The following TMPRSS11E variants were observed in gnomAD, a reference collection of about 807,000 sequenced individuals.
TMPRSS11E encodes transmembrane serine protease 11E, also known as transmembrane protease serine 11E.
A neutral mutation model predicts 48.1 loss-of-function variants in TMPRSS11E; 38 were observed. The observed-to-expected ratio is 0.79, with a 90% confidence interval of 0.61 to 1.04. The LOEUF is 1.04. Ranked by LOEUF, TMPRSS11E falls within the 50% of genes least tolerant of loss-of-function variation. The pLI is 0.00. For synonymous variants in TMPRSS11E, 158 were observed against 171.9 expected (o/e 0.92, Z 0.63); for missense variants, 530 against 510.8 (o/e 1.04, Z -0.36).
At chr4:68,495,457 C>A (rs1042103916) in intron 9 of TMPRSS11E, among the ~76,000 whole-genome samples, 2 of 151,986 alleles carry the variant, frequency 1.3e-5, no homozygotes, top group East Asian at 3.9e-4. Flanking sequence ...CTTCATATGG[C>A]ATATCTTATT....
intron 1 of TMPRSS11E, among the ~76,000 whole-genome samples, chr4:68,452,962 A>C (rs1255485597): frequency 6.6e-6 from 1 of 151,856 alleles, no homozygotes; most frequent in African/African-American, 2.4e-5. Context: ...ACGCTTTTTA[A>C]AGTTTTCTTT....
intron 1 of TMPRSS11E, among the ~76,000 whole-genome samples, chr4:68,453,015 C>T (rs1393787928): frequency 6.6e-6 from 1 of 151,842 alleles, no homozygotes; most frequent in Non-Finnish European, 1.5e-5. Context: ...AATGCAGACC[C>T]TTGATGTTTG....
At position 68,496,827 on chromosome 4, in the gene TMPRSS11E, G is replaced by T. The variant is rs1293272558; in HGVS notation, c.*23G>T. The T allele has an allele frequency of 7.0e-6, 11 of 1,578,988 alleles. 1 individual carries two copies. Among genetic ancestry groups the T allele is most frequent in the Middle Eastern group, 1.7e-4 (1 of 5,886 alleles). On this transcript the variant is annotated 3_prime_UTR_variant, in exon 10 of 10. Coordinates refer to ENST00000305363, the MANE Select transcript of TMPRSS11E (RefSeq NM_014058.4). ...TAAGAGAGAAAAGCCTCATGGAACAGATAACATTTTTTTTTGTTTTTTGGG... is the reference window on the plus strand; with the variant it reads ...TAAGAGAGAAAAGCCTCATGGAACATATAACATTTTTTTTTGTTTTTTGGG...
intron 9 of TMPRSS11E, among the ~76,000 whole-genome samples, chr4:68,483,336 T>C (rs184844073): frequency 8.5e-5 from 13 of 152,314 alleles, no homozygotes; most frequent in African/African-American, 3.1e-4. Context: ...AAGACAGCAC[T>C]ATGCTGTCAG....
chr4:68,493,305 T>C (rs1247172998), intron 9 of TMPRSS11E, among the ~76,000 whole-genome samples: 3 of 152,172 alleles, frequency 2.0e-5, no homozygotes, highest in Non-Finnish European at 4.4e-5. Context: ...TAATCCCAGA[T>C]GTTATATACT....
intron 5 of TMPRSS11E, among the ~76,000 whole-genome samples, chr4:68,472,394 A>G (rs930525564): frequency 6.7e-6 from 1 of 150,126 alleles, no homozygotes; most frequent in Non-Finnish European, 1.5e-5. Flanking sequence ...CCAAAGTATT[A>G]TCATTTAAAC....
intron 9 of TMPRSS11E, among the ~76,000 whole-genome samples, chr4:68,486,038 T>C (rs1729542988): frequency 6.6e-6 from 1 of 152,180 alleles, no homozygotes; most frequent in Non-Finnish European, 1.5e-5. Flanking sequence ...TTTTTTTTCT[T>C]TGTTAGTCTT....
intron 1 of TMPRSS11E, among the ~76,000 whole-genome samples, chr4:68,457,068 A>G (rs1165957614): frequency 6.6e-6 from 1 of 152,208 alleles, no homozygotes; most frequent in East Asian, 1.9e-4. Context: ...ATCTAATTAA[A>G]CTAAAGAGCC....
At chr4:68,467,153 G>A (rs974760643) in intron 3 of TMPRSS11E, among the ~76,000 whole-genome samples, 21 of 152,052 alleles carry the variant, frequency 1.4e-4, no homozygotes, top group African/African-American at 5.1e-4. Flanking sequence ...TAAATAGTCT[G>A]TTAGGTTTTA....
intron 1 of TMPRSS11E, among the ~76,000 whole-genome samples, chr4:68,454,270 T>C (rs908055593): frequency 6.6e-6 from 1 of 151,918 alleles, no homozygotes; most frequent in Non-Finnish European, 1.5e-5. Flanking sequence ...CATCAGTATA[T>C]AGATATGAAT....
intron 9 of TMPRSS11E, among the ~76,000 whole-genome samples, chr4:68,487,658 C>T (rs147891226): frequency 0.016 from 2,468 of 152,142 alleles, 40 homozygotes; most frequent in Non-Finnish European, 0.025. Context: ...GAAAAAGATT[C>T]CGTTTCTCCT....
chr4:68,462,080 T>C, intron 2 of TMPRSS11E, 135 bp downstream of exon 2: 1 of 1,114,480 alleles, frequency 9.0e-7, no homozygotes, highest in Non-Finnish European at 1.3e-6. Flanking sequence ...GATCTTTACC[T>C]GCTTTCTCTC....
intron 1 of TMPRSS11E, among the ~76,000 whole-genome samples, chr4:68,450,006 T>C (rs1728450137): frequency 6.6e-6 from 1 of 151,862 alleles, no homozygotes; most frequent in Non-Finnish European, 1.5e-5. Context: ...TGACTTTATA[T>C]GGATCATAAA....
intron 6 of TMPRSS11E, among the ~76,000 whole-genome samples, chr4:68,475,828 A>G (rs1729197060): frequency 2.0e-5 from 3 of 152,190 alleles, no homozygotes; most frequent in African/African-American, 7.2e-5. Context: ...CCCCTACAAC[A>G]AAGAATTAAA....
chr4:68,453,196 G>A (rs1017771416), intron 1 of TMPRSS11E, among the ~76,000 whole-genome samples: 1 of 151,932 alleles, frequency 6.6e-6, no homozygotes, highest in Non-Finnish European at 1.5e-5. Flanking sequence ...CTTTTGTGGT[G>A]TATTTACTGT....
chr4:68,457,660 A>G lies in TMPRSS11E; in HGVS notation c.12-4161A>G, dbSNP rs564037622. On this transcript the variant is annotated intron_variant, in intron 1 of 9. Coordinates refer to ENST00000305363, the MANE Select transcript of TMPRSS11E (RefSeq NM_014058.4). ...TTGGAACCAACCCAAATGCCCATCAATGATGTCTGTTATACGTATCTCATT... is the reference window on the plus strand; with the variant it reads ...TTGGAACCAACCCAAATGCCCATCAGTGATGTCTGTTATACGTATCTCATT... 2.2e-4 allele frequency among the ~76,000 whole-genome samples: 33 copies of G among 152,214 alleles called. No homozygotes were observed. In the South Asian group the frequency reaches 6.9e-3, roughly 32 times the overall value.
chr4:68,458,203 T>C lies in TMPRSS11E; in HGVS notation c.12-3618T>C, dbSNP rs185650917. On this transcript the variant is annotated intron_variant, in intron 1 of 9. Transcript: ENST00000305363. ...TCATTTTCCAGTGCTTGCCATTAGC[T>C]TTATTTGCACTAGTACATTTTCCCC... 3.9e-3 allele frequency among the ~76,000 whole-genome samples: 598 copies of C among 152,284 alleles called. 3 individuals carry two copies. The highest frequency in any genetic ancestry group is 0.01 in the Middle Eastern group (3 of 294).
rs1729876843 is a variant in TMPRSS11E at position 68,496,705 on chromosome 4, A to G, written c.1173A>G (p.Ile391Met). The stretch of plus-strand genomic sequence containing the variant: ...GAGATATCTGGTACCTTGCTGGAAT[A>G]GTGAGCTGGGGAGATGAATGTGCGA... ...DARDIWYLAG[I>M]VSWGDECAKP... Residue 391 changes from isoleucine (I) to methionine (M), a missense_variant, in exon 10 of 10, where the codon ATA becomes ATG. Ile to Met is a conservative substitution (Grantham distance 10). Transcript: ENST00000305363. 1 of 1,613,748 alleles carries G rather than the reference A, an allele frequency of 6.2e-7. No homozygotes were observed. The highest frequency in any genetic ancestry group is 8.5e-7 in the Non-Finnish European group (1 of 1,179,708).
chr4:68,482,590 C>CAAAAA (rs371144994), intron 9 of TMPRSS11E, among the ~76,000 whole-genome samples: 1,687 of 105,576 alleles, frequency 0.016, 97 homozygotes, highest in South Asian at 0.027. Context: ...TGCATCTCCA[C>CAAAAA]AAAAAAAAAA....
Sources: gnomAD v4.1 joint callset for allele counts (sites outside exome capture counted in the v4.1 genomes callset) on GRCh38, gnomAD v4.1.1 for gene constraint, MANE v1.5 for transcripts, NCBI Gene and HGNC (gene_info 2026-07-23, HGNC 2026-07-21) for gene names.